The following BRPF1 variants were observed in gnomAD, a reference collection of about 807,000 sequenced individuals.
BRPF1 encodes bromodomain and PHD finger containing 1.
In BRPF1, 15 loss-of-function variants were observed where a neutral mutation model predicts 115.0. The ratio of observed to expected loss-of-function variants is 0.13; its 90% CI spans 0.09 to 0.20. BRPF1 has a LOEUF of 0.20. BRPF1 is among the 10% of genes least tolerant of loss of function. The pLI is 1.00. For synonymous variants in BRPF1, 647 were observed against 619.8 expected, an observed-to-expected ratio of 1.04 and a Z score of -0.65; for missense variants, 1,118 against 1,638.3, an observed-to-expected ratio of 0.68 and a Z score of 5.48.
In BRPF1 at chr3:9,743,279, T is replaced by C. The variant is rs1315351599; in HGVS notation, c.2311+26T>C. On this transcript the variant is annotated intron_variant, in intron 7 of 13. Transcript: ENST00000383829. This position sits in a 1 kb window ranked among gnomAD's most constrained non-coding sequence, Gnocchi z 6.1. Reference sequence around the variant, plus strand: ...GTGGGTGATATATCACACACACATATAAGAGGCCAATGCCGGGGATGGACA... The same window carrying C: ...GTGGGTGATATATCACACACACATACAAGAGGCCAATGCCGGGGATGGACA... 2.5e-6 allele frequency: 4 copies of C among 1,595,302 alleles called. No homozygotes were observed. Among genetic ancestry groups the C allele is most frequent in the Middle Eastern group, 2.0e-4 (1 of 5,110 alleles).
Position 9,743,368 on chromosome 3 carries a change from G to T in BRPF1, c.2311+115G>T. The T allele has an allele frequency of 7.2e-7, 1 of 1,394,362 alleles. No homozygotes were observed. Among genetic ancestry groups the T allele is most frequent in the Non-Finnish European group, 9.6e-7 (1 of 1,037,096 alleles). 86.4% of individuals were successfully genotyped at this position (1,394,362 alleles called of 1,614,324 possible). On this transcript the variant is annotated intron_variant, in intron 7 of 13. Coordinates refer to ENST00000383829, the MANE Select transcript of BRPF1 (RefSeq NM_001003694.2). This position sits in a 1 kb window ranked among gnomAD's most constrained non-coding sequence, Gnocchi z 6.1. The stretch of plus-strand genomic sequence containing the variant: ...GCAGAAAGCAGCTAGGCTGAGCAGT[G>T]GCAAGCTATCCCCAGGAATGCTCCC...
chr3:9,737,238 A>C (rs1189825943), intron 2 of BRPF1, among the ~76,000 whole-genome samples: 5 of 152,200 alleles, frequency 3.3e-5, no homozygotes, highest in Non-Finnish European at 5.9e-5. Flanking sequence ...CTGTATCTGT[A>C]TGGCGAATCA....
rs762309595 is a variant in BRPF1 at position 9,742,094 on chromosome 3, G to C, written c.1924G>C (p.Glu642Gln). ...PFLILLRKTLEQLQEKDTGNI... is the reference protein window; with the variant it reads ...PFLILLRKTLQQLQEKDTGNI... ...CCTCATCCTCCTTCGCAAAACCTTGGAGCAGCTCCAAGAGAAGGACACAGG... is the reference window on the plus strand; with the variant it reads ...CCTCATCCTCCTTCGCAAAACCTTGCAGCAGCTCCAAGAGAAGGACACAGG... The change falls in exon 6 of 14, where the codon GAG (glutamate) becomes CAG (glutamine). Residue 642 changes from glutamate to glutamine, a missense_variant. Coordinates refer to ENST00000383829, the MANE Select transcript of BRPF1 (RefSeq NM_001003694.2). The C allele has an allele frequency of 1.9e-6, 3 of 1,614,074 alleles. No individual in the cohort carries two copies.
At chr3:9,736,283 G>A (rs143205717) in intron 2 of BRPF1, among the ~76,000 whole-genome samples, 2 of 152,294 alleles carry the variant, frequency 1.3e-5, no homozygotes, top group African/African-American at 4.8e-5. Context: ...TGGGATGACA[G>A]GCATGAGCCA....
At chr3:9,733,891 T>A (rs1416489390) in intron 1 of BRPF1, among the ~76,000 whole-genome samples, 1 of 152,186 alleles carries the variant, frequency 6.6e-6, no homozygotes, top group East Asian at 1.9e-4. Context: ...ATCATTCTCC[T>A]ACATGATGTG....
At position 9,745,449 on chromosome 3, in the gene BRPF1, C is replaced by G. The variant is rs1575167274; in HGVS notation, c.3069-124C>G. On this transcript the variant is annotated intron_variant, in intron 10 of 13. Transcript: ENST00000383829. This position sits in a 1 kb window ranked among gnomAD's most constrained non-coding sequence, Gnocchi z 5.1. ...CCTGTGGGTGTTTGAATTTGAAATTCCTCATATAGCCTCTGCTTTCCAAAA... is the reference window on the plus strand; with the variant it reads ...CCTGTGGGTGTTTGAATTTGAAATTGCTCATATAGCCTCTGCTTTCCAAAA... 8.4e-7 allele frequency: 1 copy of G among 1,192,456 alleles called. No homozygotes were observed. Among genetic ancestry groups the G allele is most frequent in the East Asian group, 2.4e-5 (1 of 42,038 alleles). 73.9% of individuals were successfully genotyped at this position (1,192,456 alleles called of 1,614,324 possible).
At chr3:9,744,584 C>G (rs1455784872) in intron 9 of BRPF1, 76 bp downstream of exon 9, 2 of 1,135,836 alleles carry the variant, frequency 1.8e-6, no homozygotes, top group Admixed American at 2.7e-5. Context: ...CCCAGTTACC[C>G]CTTTATTTGC....
Position 9,739,162 on chromosome 3 carries a change from G to A in BRPF1, c.763G>A (p.Glu255Lys). ...FEYLMDRLEK[E>K]SYFESHNKGD... is the part of the protein sequence containing the mutation. ...GTACCTAATGGACCGACTGGAGAAG[G>A]AGTCGTACTTTGAGAGTCATAATAA... Residue 255 changes from glutamate (E) to lysine (K), a missense_variant, in exon 3 of 14, where the codon GAG becomes AAG. Physicochemically the swap from Glu to Lys is moderately conservative, Grantham distance 56 (BLOSUM62 1). Around this residue, in one of 10 missense-constraint regions of BRPF1, gnomAD observed 280 missense variants for 382.8 expected, o/e 0.73. Coordinates refer to ENST00000383829, the MANE Select transcript of BRPF1 (RefSeq NM_001003694.2). The A allele has an allele frequency of 6.2e-7, 1 of 1,614,018 alleles. No individual in the cohort carries two copies. The highest frequency in any genetic ancestry group is 1.1e-5 in the South Asian group (1 of 91,056).
chr3:9,742,833 CTG>C, intron 6 of BRPF1, 109 bp from the exon 7 acceptor site: 2 of 1,192,228 alleles, frequency 1.7e-6, no homozygotes, highest in East Asian at 4.8e-5. Flanking sequence ...CTGCCTCTAA[CTG>C]TGGTGGGAGG....
intron 2 of BRPF1, among the ~76,000 whole-genome samples, chr3:9,737,616 T>G (rs1407298526): frequency 6.6e-6 from 1 of 152,194 alleles, no homozygotes; most frequent in Non-Finnish European, 1.5e-5. Flanking sequence ...CGAGCTAATG[T>G]TTTTCTAGGG....
At chr3:9,746,553 G>C in intron 13 of BRPF1, 99 bp downstream of exon 13, 2 of 1,363,910 alleles carry the variant, frequency 1.5e-6, no homozygotes, top group Non-Finnish European at 1.9e-6. Context: ...GGCAGACTGG[G>C]CTATCACAAG....
Position 9,743,127 on chromosome 3 carries a change from G to A in BRPF1, c.2185G>A (p.Glu729Lys). The A allele has an allele frequency of 6.2e-7, 1 of 1,614,260 alleles. No homozygotes were observed. The highest frequency in any genetic ancestry group is 8.5e-7 in the Non-Finnish European group (1 of 1,180,044). Residue 729 changes from glutamate (E) to lysine (K), a missense_variant, in exon 7 of 14, where the codon GAG becomes AAG. By Grantham distance (56) the Glu-to-Lys change is moderately conservative (BLOSUM62 1). Around this residue, in one of 10 missense-constraint regions of BRPF1, gnomAD observed 223 missense variants for 240.7 expected, o/e 0.93. Coordinates refer to ENST00000383829, the MANE Select transcript of BRPF1 (RefSeq NM_001003694.2). The surrounding 1 kb of genome is among the most constrained non-coding windows in gnomAD (Gnocchi z 6.1). ...IFYRAAVRLR[E>K]QGGAVLRQAR... ...CTACCGGGCAGCAGTGCGGCTTCGT[G>A]AGCAGGGTGGTGCTGTGCTCCGCCA...
Position 9,731,787 on chromosome 3 carries a change from T to C in BRPF1, c.-362T>C. On this transcript the variant is annotated 5_prime_UTR_variant, in exon 1 of 14. Coordinates refer to ENST00000383829, the MANE Select transcript of BRPF1 (RefSeq NM_001003694.2). The stretch of plus-strand genomic sequence containing the variant: ...TGCTGCCGCCGCCGCTGCCACAGCC[T>C]TTGCCGCCACGGTCTCCGCCGCCGC... 6.4e-6 allele frequency: 1 copy of C among 155,358 alleles called. No individual in the cohort carries two copies. The highest frequency in any genetic ancestry group is 1.4e-5 in the Non-Finnish European group (1 of 70,592). 9.6% of individuals were successfully genotyped at this position (155,358 alleles called of 1,614,324 possible).
At chr3:9,741,962 C>T (rs2077039057) in intron 5 of BRPF1, 63 bp from the exon 6 acceptor site, 3 of 1,596,024 alleles carry the variant, frequency 1.9e-6, no homozygotes, top group Non-Finnish European at 2.6e-6. Context: ...GGGACCATAT[C>T]CTCAGACCTC....
rs2125509675 is a variant in BRPF1 at position 9,743,711 on chromosome 3, A to G, written c.2445A>G (p.Ala815=). 6.2e-7 allele frequency: 1 copy of G among 1,614,192 alleles called. No homozygotes were observed. Among genetic ancestry groups the G allele is most frequent in the Non-Finnish European group, 8.5e-7 (1 of 1,180,026 alleles). Residue 815 remains alanine, a synonymous_variant, in exon 8 of 14, where the codon GCA becomes GCG. Transcript: ENST00000383829. This position sits in a 1 kb window ranked among gnomAD's most constrained non-coding sequence, Gnocchi z 6.1. ...SKQSVGRSRR[A]KMIKKEMTAL... is the part of the protein sequence containing the mutation. ...AGAGTGTGGGCCGCTCACGGCGTGC[A>G]AAGATGATCAAGAAAGAGATGACGG... is the stretch of plus-strand genomic sequence containing the variant.
intron 8 of BRPF1, 37 bp from the exon 9 acceptor site, chr3:9,744,187 C>T: frequency 6.6e-7 from 1 of 1,509,104 alleles, no homozygotes; most frequent in South Asian, 1.4e-5. Flanking sequence ...CAAATCAGGC[C>T]CCTCACCAAC....
In BRPF1 at chr3:9,733,945, C is replaced by G. The variant is rs192322795; in HGVS notation, c.-10-186C>G. On this transcript the variant is annotated intron_variant, in intron 1 of 13. Transcript: ENST00000383829. ...TGAGACATAGGGCAGGATAACCAGG[C>G]AAGAGGTGATGAGGGCCCAGATATG... 1.2e-4 allele frequency among the ~76,000 whole-genome samples: 18 copies of G among 152,174 alleles called. No homozygotes were observed. In the East Asian group the frequency reaches 3.5e-3, roughly 29 times the overall value.
rs772219277 is a variant in BRPF1, at chr3:9,745,683, G to T, written c.3179G>T (p.Gly1060Val). 2.0e-5 allele frequency: 33 copies of T among 1,614,104 alleles called. No homozygotes were observed. In the South Asian group the frequency reaches 3.3e-4, roughly 16 times the overall value. The change falls in exon 11 of 14, where the codon GGC becomes GTC. Residue 1060 changes from glycine (G) to valine (V), a missense_variant. Physicochemically the swap from Gly to Val is moderately radical, Grantham distance 109. This residue lies in a region of BRPF1 where 100 missense variants were observed against 109.9 expected (regional missense o/e 0.91). Coordinates refer to ENST00000383829, the MANE Select transcript of BRPF1 (RefSeq NM_001003694.2). The surrounding 1 kb of genome is among the most constrained non-coding windows in gnomAD (Gnocchi z 5.1). ...SGTENEAYSV[G>V]TGRGVGHSMV... ...ACTGAGAATGAGGCCTACTCCGTGG[G>T]CACTGGCCGCGGCGTGGGCCACAGC...
chr3:9,738,254 C>T (rs144406591), intron 2 of BRPF1, among the ~76,000 whole-genome samples: 78 of 152,300 alleles, frequency 5.1e-4, no homozygotes, highest in African/African-American at 1.8e-3. Context: ...TGTGACCTAT[C>T]TATGTTTTGA....
Sources: gnomAD v4.1 joint callset for allele counts (sites outside exome capture counted in the v4.1 genomes callset) on GRCh38, gnomAD v4.1.1 for gene constraint, gnomAD v4.1.1 regional missense constraint, Gnocchi (gnomAD v3.1) non-coding constraint, MANE v1.5 for transcripts, NCBI Gene and HGNC (gene_info 2026-07-23, HGNC 2026-07-21) for gene names.